ERAP1: variants seen among roughly 807,000 people sequenced by gnomAD.
The protein encoded by ERAP1 is adipocyte-derived leucine aminopeptidase.
Under a neutral mutation model 103.7 loss-of-function variants are expected in ERAP1, and 86 were observed. The ratio of observed to expected loss-of-function variants is 0.83; its 90% CI spans 0.70 to 0.99. ERAP1 has a LOEUF of 0.99. Among genes scored for constraint, ERAP1 ranks in the 50% least tolerant of loss-of-function variants. The probability of loss-of-function intolerance (pLI) is 0.00; values close to 1 mark genes in which losing one functional copy is unlikely to be tolerated. For synonymous variants in ERAP1, 398 were observed against 402.4 expected (o/e 0.99, Z 0.13); for missense variants, 1,009 against 1,128.4 (o/e 0.89, Z 1.52).
chr5:96,800,919 A>G lies in ERAP1; in HGVS notation c.606T>C (p.Ser202=). Residue 202 remains serine (S), a synonymous_variant, in exon 3 of 19, where the codon AGT becomes AGC. Transcript: ENST00000443439. The part of the protein sequence containing the change: ...PCFDEPAFKA[S]FSIKIRREPR... Reference sequence around the variant, plus strand: ...GCTCTCTTCTAATTTTGATTGAGAAACTTGCTTTGAAGGCAGGTTCATCAA... The same window carrying G: ...GCTCTCTTCTAATTTTGATTGAGAAGCTTGCTTTGAAGGCAGGTTCATCAA... The G allele has an allele frequency of 6.2e-7, 1 of 1,614,126 alleles. No homozygotes were observed.
At chr5:96,769,810 A>G (rs1035024965), downstream of ERAP1, 3 of 148,846 alleles carry the variant, frequency 2.0e-5, no homozygotes, top group Non-Finnish European at 4.5e-5. Flanking sequence ...TATATATTCT[A>G]CATATAAGTG....
upstream of ERAP1, among the ~76,000 whole-genome samples, chr5:96,809,869 G>A (rs1211952970): frequency 6.6e-6 from 1 of 152,128 alleles, no homozygotes; most frequent in African/African-American, 2.4e-5. Context: ...TTGGCTTCTA[G>A]TAAAGTTTTT....
At chr5:96,822,423 C>T in the ERAP1 span, among the ~76,000 whole-genome samples, 168 of 152,276 alleles carry the variant, frequency 1.1e-3, no homozygotes, top group Non-Finnish European at 2.0e-3. Context: ...AAAAACATTG[C>T]TCAGGAACAA....
At chr5:96,921,810 A>G in the ERAP1 span, among the ~76,000 whole-genome samples, 1 of 152,158 alleles carries the variant, frequency 6.6e-6, no homozygotes, top group East Asian at 1.9e-4. Context: ...TTTCAATACT[A>G]TATTTCAGGC....
Position 96,797,187 on chromosome 5 carries a change from C to G in ERAP1, c.786G>C (p.Lys262Asn), listed in dbSNP as rs773340064. Residue 262 changes from lysine to asparagine, a missense_variant, in exon 4 of 19, where the codon AAG (lysine) becomes AAC (asparagine). This residue lies in a region of ERAP1 where 392 missense variants were observed against 455.2 expected (regional missense o/e 0.86). Transcript: ENST00000443439. ...SDFESVSKIT[K>N]SGVKVSVYAV... Reference sequence around the variant, plus strand: ...GTCATAGGCTCACCTTGACTCCACTCTTGGTTATCTTGCTGACAGACTCAA... The same window carrying G: ...GTCATAGGCTCACCTTGACTCCACTGTTGGTTATCTTGCTGACAGACTCAA... The G allele has an allele frequency of 6.2e-7, 1 of 1,614,036 alleles. No individual in the cohort carries two copies. Among genetic ancestry groups the G allele is most frequent in the African/African-American group, 1.3e-5 (1 of 74,914 alleles).
At chr5:96,813,161 A>G in the ERAP1 span, among the ~76,000 whole-genome samples, 216 of 152,288 alleles carry the variant, frequency 1.4e-3, 2 homozygotes, top group African/African-American at 5.0e-3. Context: ...CATAGGAGGA[A>G]TGCTTGGTTT....
rs141685529 is a variant in ERAP1 at position 96,775,172 on chromosome 5, A to ATGTT, written c.*1220_*1223dup. 2.5e-3 allele frequency: 2,509 copies of ATGTT among 985,590 alleles called. 48 individuals carry two copies. The African/African-American group carries it at 0.037, about 14-fold the overall frequency. The allele number at this position is 985,590 out of a possible 1,614,324, so 61.1% of individuals were successfully genotyped here. Reference sequence around the variant, plus strand: ...TTGACTTGAACTCCGTTGGTTTACCATGTTAGTAAACTGTGCTTTCTATTA... The same window carrying ATGTT: ...TTGACTTGAACTCCGTTGGTTTACCATGTTTGTTAGTAAACTGTGCTTTCTATTA... On this transcript the variant is annotated 3_prime_UTR_variant, in exon 19 of 19. Transcript: ENST00000443439.
chr5:96,902,322 G>C, the ERAP1 span: 1 of 1,612,122 alleles, frequency 6.2e-7, no homozygotes, highest in South Asian at 1.1e-5. Context: ...CTTCTAATGT[G>C]ATCCACAGAC....
At chr5:96,909,932 G>C in the ERAP1 span, 1 of 612,576 alleles carries the variant, frequency 1.6e-6, no homozygotes, top group Non-Finnish European at 2.8e-6. Flanking sequence ...TATGTATGGA[G>C]ACTAGTACAA....
downstream of ERAP1, chr5:96,774,118 A>C (rs1356888935): frequency 6.5e-6 from 1 of 152,964 alleles, no homozygotes; most frequent in African/African-American, 2.4e-5. Context: ...ATTTCTAACC[A>C]TGTATCTAAT....
chr5:96,906,677 GACA>G, the ERAP1 span, among the ~76,000 whole-genome samples: 1 of 152,174 alleles, frequency 6.6e-6, no homozygotes, highest in African/African-American at 2.4e-5. Context: ...GAATTGAAAT[GACA>G]ACTTCAATTT....
rs748333258 is a variant in ERAP1, at chr5:96,807,904, C to T, written c.-62G>A. ...CTCACCCTTGCGCCGCCGCCACCAC[C>T]ACTGCCGCCGGCCTAGCTCCCCCAG... On this transcript the variant is annotated 5_prime_UTR_variant, in exon 1 of 19. Coordinates refer to ENST00000443439, the MANE Select transcript of ERAP1 (RefSeq NM_001040458.3). 2.2e-3 allele frequency: 2,195 copies of T among 986,332 alleles called. 1 individual carries two copies. Among genetic ancestry groups the T allele is most frequent in the Non-Finnish European group, 2.5e-3 (2,087 of 830,660 alleles). The allele number at this position is 986,332 out of a possible 1,614,324, so 61.1% of individuals were successfully genotyped here.
At chr5:96,907,129 G>T in the ERAP1 span, among the ~76,000 whole-genome samples, 3 of 152,316 alleles carry the variant, frequency 2.0e-5, no homozygotes, top group Admixed American at 2.0e-4. Flanking sequence ...TCATATACAA[G>T]TAAGTAGGTG....
At chr5:96,856,675 G>A in the ERAP1 span, among the ~76,000 whole-genome samples, 1 of 151,920 alleles carries the variant, frequency 6.6e-6, no homozygotes, top group Non-Finnish European at 1.5e-5. Flanking sequence ...ACTGGCCTTT[G>A]GCCATAGATC....
At chr5:96,771,684 A>G (rs1278641375), downstream of ERAP1, 6 of 1,610,114 alleles carry the variant, frequency 3.7e-6, no homozygotes, top group Non-Finnish European at 4.2e-6. Flanking sequence ...GACTAAAGAA[A>G]TACAAGTTAA....
At chr5:96,867,742 G>A in the ERAP1 span, among the ~76,000 whole-genome samples, 15 of 152,248 alleles carry the variant, frequency 9.9e-5, no homozygotes, top group Non-Finnish European at 1.9e-4. Flanking sequence ...GGAAAAAAAA[G>A]GTACTGCTTT....
the ERAP1 span, among the ~76,000 whole-genome samples, chr5:96,928,967 C>G: frequency 6.6e-6 from 1 of 152,152 alleles, no homozygotes; most frequent in Admixed American, 6.5e-5. Context: ...TAGGATTGCT[C>G]AACTGGTAAG....
the ERAP1 span, among the ~76,000 whole-genome samples, chr5:96,878,432 T>C: frequency 0.031 from 4,698 of 152,136 alleles, 258 homozygotes; most frequent in African/African-American, 0.11. Context: ...ATCCAAAGAA[T>C]ATAGAATATA....
chr5:96,917,652 A>T, the ERAP1 span: 1 of 1,452,548 alleles, frequency 6.9e-7, no homozygotes, highest in South Asian at 1.2e-5. Flanking sequence ...CACGCCTGTA[A>T]TCCCAGCACT....
Sources: allele counts gnomAD v4.1 joint callset (sites outside exome capture counted in the v4.1 genomes callset), GRCh38; gene constraint gnomAD v4.1.1; regional missense constraint gnomAD v4.1.1; transcripts MANE v1.5; gene names NCBI Gene and HGNC (gene_info 2026-07-23, HGNC 2026-07-21).